KICS2: variants seen among roughly 807,000 people sequenced by gnomAD.
KICS2 encodes KICSTOR subunit 2.
KICS2 carries 13 observed loss-of-function variants against 31.4 expected under a neutral mutation model. That is an observed-to-expected ratio of 0.41 (90% CI 0.27 to 0.66). The LOEUF is 0.66. Ranked by LOEUF, KICS2 falls within the 30% of genes least tolerant of loss-of-function variation. The probability of loss-of-function intolerance (pLI) is 0.28; values close to 1 mark genes in which losing one functional copy is unlikely to be tolerated. For synonymous variants in KICS2, 209 were observed against 214.8 expected, an observed-to-expected ratio of 0.97 and a Z score of 0.24; for missense variants, 455 against 545.4, an observed-to-expected ratio of 0.83 and a Z score of 1.65.
chr12:64,188,110 C>T (rs952925221), downstream of KICS2, among the ~76,000 whole-genome samples: 2 of 152,192 alleles, frequency 1.3e-5, no homozygotes, highest in Non-Finnish European at 2.9e-5. Context: ...AAAATGAATA[C>T]TTTCAGATGC....
At chr12:64,207,467 T>C (rs1460763797) in intron 2 of KICS2, among the ~76,000 whole-genome samples, 1 of 152,118 alleles carries the variant, frequency 6.6e-6, no homozygotes, top group Non-Finnish European at 1.5e-5. Flanking sequence ...CCTCACCCTT[T>C]GTTTTGTAAC....
chr12:64,213,176 T>C (rs1197987135), intron 2 of KICS2, among the ~76,000 whole-genome samples: 1 of 151,896 alleles, frequency 6.6e-6, no homozygotes, highest in African/African-American at 2.4e-5. Context: ...AGAAAGACTA[T>C]GTATGTATGT....
intron 2 of KICS2, among the ~76,000 whole-genome samples, chr12:64,211,000 G>A (rs1049189850): frequency 5.3e-5 from 8 of 152,058 alleles, no homozygotes; most frequent in African/African-American, 1.7e-4. Flanking sequence ...AGGTTTCTGG[G>A]CACACTAAAT....
intron 1 of KICS2, among the ~76,000 whole-genome samples, chr12:64,217,798 CAAAAGAAAAGAAAAGAAG>C (rs1175341003): frequency 4.1e-5 from 5 of 122,308 alleles, no homozygotes; most frequent in Admixed American, 9.1e-5. Flanking sequence ...AAGACTCCAT[CAAAAGAAAAGAAAAGAAG>C]AAAAGAAAAG....
At chr12:64,191,033 C>T (rs1369439064), downstream of KICS2, 1 of 152,210 alleles carries the variant, frequency 6.6e-6, no homozygotes, top group African/African-American at 2.4e-5. Context: ...AAAAACTTAT[C>T]AAGTTGTGGT....
chr12:64,187,380 G>C, downstream of KICS2: 1 of 515,256 alleles, frequency 1.9e-6, no homozygotes, highest in Non-Finnish European at 3.4e-6. Context: ...GAACCCATTT[G>C]CATCTCTCCA....
At chr12:64,195,858 G>A (rs374804548) in intron 2 of KICS2, among the ~76,000 whole-genome samples, 3,659 of 152,292 alleles carry the variant, frequency 0.024, 34 homozygotes, top group Non-Finnish European at 0.038. Context: ...CTGGAAAATC[G>A]GGTCACTCCC....
chr12:64,209,621 A>C (rs1372509704), intron 2 of KICS2, among the ~76,000 whole-genome samples: 1 of 152,198 alleles, frequency 6.6e-6, no homozygotes, highest in Non-Finnish European at 1.5e-5. Context: ...ACCAAAAAGG[A>C]AGCCTTTTTT....
At chr12:64,215,169 G>C (rs1242725550) in intron 2 of KICS2, among the ~76,000 whole-genome samples, 1 of 151,218 alleles carries the variant, frequency 6.6e-6, no homozygotes, top group Non-Finnish European at 1.5e-5. Flanking sequence ...ACAAAAATTA[G>C]CTGGGTGTGG....
In KICS2 at chr12:64,196,326, C is replaced by T. The variant is rs866368232; in HGVS notation, c.522-1668G>A. On this transcript the variant is annotated intron_variant, in intron 2 of 2. Coordinates refer to ENST00000398055, the MANE Select transcript of KICS2 (RefSeq NM_152440.5). Reference sequence around the variant, plus strand: ...CGAGCAGCCTAACTGGGAGGCACCCCCCAGCAGGGGCAGACTGACACCTCA... The same window carrying T: ...CGAGCAGCCTAACTGGGAGGCACCCTCCAGCAGGGGCAGACTGACACCTCA... Among the ~76,000 whole-genome samples the T allele has an allele frequency of 5.6e-3, 850 of 151,802 alleles. 9 individuals carry two copies. Among genetic ancestry groups the T allele is most frequent in the Middle Eastern group, 0.024 (7 of 294 alleles).
intron 1 of KICS2, among the ~76,000 whole-genome samples, chr12:64,219,435 A>T (rs2037658712): frequency 6.6e-6 from 1 of 152,182 alleles, no homozygotes; most frequent in Non-Finnish European, 1.5e-5. Context: ...GAAGTTTTTC[A>T]GTAACAGGGT....
chr12:64,221,732 T>G, intron 1 of KICS2: 1 of 561,290 alleles, frequency 1.8e-6, no homozygotes, highest in Non-Finnish European at 3.2e-6. Flanking sequence ...CATCAATCCA[T>G]GCACGAGGCA....
intron 2 of KICS2, among the ~76,000 whole-genome samples, chr12:64,208,711 A>G (rs1200936511): frequency 6.6e-6 from 1 of 152,202 alleles, no homozygotes; most frequent in Non-Finnish European, 1.5e-5. Flanking sequence ...TAAAATGCAA[A>G]CAAATATATG....
downstream of KICS2, among the ~76,000 whole-genome samples, chr12:64,189,019 G>C (rs2037360351): frequency 6.6e-6 from 1 of 152,246 alleles, no homozygotes; most frequent in East Asian, 1.9e-4. Flanking sequence ...TGGGCATGGT[G>C]GCACGTGCCT....
intron 1 of KICS2, among the ~76,000 whole-genome samples, chr12:64,219,806 T>A (rs1482551294): frequency 6.6e-6 from 1 of 152,220 alleles, no homozygotes; most frequent in Non-Finnish European, 1.5e-5. Context: ...AAAAAACTTT[T>A]CAGAATTGTT....
downstream of KICS2, among the ~76,000 whole-genome samples, chr12:64,188,625 AAAAT>A (rs370573568): frequency 3.5e-4 from 54 of 152,144 alleles, no homozygotes; most frequent in African/African-American, 1.3e-3. Flanking sequence ...AATGTGGAGG[AAAAT>A]AAATAATCAA....
At chr12:64,217,816 G>T (rs1322931679) in intron 1 of KICS2, among the ~76,000 whole-genome samples, 2 of 98,792 alleles carry the variant, frequency 2.0e-5, no homozygotes, top group African/African-American at 3.8e-5. Context: ...AAGAAAAGAA[G>T]AAAAGAAAAG....
In KICS2 at chr12:64,195,939, T is replaced by C. The variant is rs570106834; in HGVS notation, c.522-1281A>G. ...ACGAGATTATATCCCACACCTGGCTTGGAGGGTCCTATGCCCACGGAATCT... is the reference window on the plus strand; with the variant it reads ...ACGAGATTATATCCCACACCTGGCTCGGAGGGTCCTATGCCCACGGAATCT... On this transcript the variant is annotated intron_variant, in intron 2 of 2. Transcript: ENST00000398055. Among the ~76,000 whole-genome samples, 600 of 149,252 alleles carry C rather than the reference T, an allele frequency of 4.0e-3. 5 individuals carry two copies. Among genetic ancestry groups the C allele is most frequent in the African/African-American group, 0.012 (463 of 39,814 alleles).
chr12:64,192,746 A>G lies in KICS2; in HGVS notation c.*1096T>C. On this transcript the variant is annotated 3_prime_UTR_variant, in exon 3 of 3. Transcript: ENST00000398055. ...ACCTACTTCCCATGAACACCTGCCG[A>G]AGGAAAGAAATAAGGCAGCATGTGC... The G allele has an allele frequency of 1.0e-6, 1 of 985,442 alleles. No individual in the cohort carries two copies. The highest frequency in any genetic ancestry group is 1.2e-6 in the Non-Finnish European group (1 of 829,944). 61.0% of individuals were successfully genotyped at this position (985,442 alleles called of 1,614,324 possible).
Sources: allele counts gnomAD v4.1 joint callset (sites outside exome capture counted in the v4.1 genomes callset), GRCh38; gene constraint gnomAD v4.1.1; transcripts MANE v1.5; gene names NCBI Gene and HGNC (gene_info 2026-07-23, HGNC 2026-07-21).